The following TRPM2 variants were observed in gnomAD, a reference collection of about 807,000 sequenced individuals.
TRPM2 encodes the protein estrogen-responsive element-associated gene 1 protein.
In TRPM2, 161 loss-of-function variants were observed where a neutral mutation model predicts 174.0. The ratio of observed to expected loss-of-function variants is 0.93; its 90% CI spans 0.81 to 1.05. TRPM2 has a LOEUF of 1.05. Ranked by LOEUF, TRPM2 falls within the 50% of genes least tolerant of loss-of-function variation. The pLI, the probability that TRPM2 is intolerant of heterozygous loss-of-function variation, is 0.00. For missense variants in TRPM2, 2,057 were observed against 2,038.0 expected, an observed-to-expected ratio of 1.01 and a Z score of -0.18; for synonymous variants, 954 against 861.3, an observed-to-expected ratio of 1.11 and a Z score of -1.88.
chr21:44,353,083 G>A (rs1395971456), upstream of TRPM2, among the ~76,000 whole-genome samples: 1 of 152,240 alleles, frequency 6.6e-6, no homozygotes, highest in African/African-American at 2.4e-5. Flanking sequence ...TTGAACCAGG[G>A]AGACCGAGGT....
rs201994467 is a variant in TRPM2, at chr21:44,379,010, C to A, written c.1028C>A (p.Ala343Asp). The A allele has an allele frequency of 4.1e-5, 66 of 1,606,702 alleles. No individual in the cohort carries two copies. The East Asian group carries it at 6.7e-4, about 16-fold the overall frequency. ...GPGTLHTIDN[A>D]TTNGTPCVVV... is the part of the protein sequence containing the mutation. ...CCTGCCTTGCAGACCATCGACAACG[C>A]CACCACCAACGGCACCCCCTGTGTG... Residue 343 changes from alanine (A) to aspartate (D), a missense_variant, in exon 8 of 32, where the codon GCC becomes GAC. Coordinates refer to ENST00000397928, the MANE Select transcript of TRPM2 (RefSeq NM_003307.4).
At chr21:44,362,172 A>T (rs1350220907) in intron 2 of TRPM2, among the ~76,000 whole-genome samples, 1 of 152,074 alleles carries the variant, frequency 6.6e-6, no homozygotes, top group South Asian at 2.1e-4. Context: ...TCCCCTTCTT[A>T]ATCTATAATA....
chr21:44,381,518 GTGGATGGA>G, intron 8 of TRPM2, among the ~76,000 whole-genome samples: 2 of 144,218 alleles, frequency 1.4e-5, no homozygotes, highest in African/African-American at 2.6e-5. Context: ...GGTGGGCCAT[GTGGATGGA>G]TGGATGGATG....
At chr21:44,415,539 C>G (rs574020420) in intron 20 of TRPM2, 1 of 152,362 alleles carries the variant, frequency 6.6e-6, no homozygotes, top group African/African-American at 2.4e-5. Flanking sequence ...CCCTGCCGAA[C>G]CTTGGTTTTA....
intron 6 of TRPM2, among the ~76,000 whole-genome samples, chr21:44,377,185 G>A (rs897073476): frequency 5.3e-5 from 8 of 152,232 alleles, no homozygotes; most frequent in African/African-American, 1.9e-4. Flanking sequence ...TTTGCTGCCT[G>A]GGGAAAGGGG....
intron 30 of TRPM2, among the ~76,000 whole-genome samples, chr21:44,440,053 C>T (rs553424595): frequency 3.6e-4 from 54 of 148,158 alleles, no homozygotes; most frequent in African/African-American, 1.3e-3. Context: ...GCAGGCTACA[C>T]GGGCCGGGTG....
At chr21:44,411,621 G>A (rs759271467) in intron 19 of TRPM2, among the ~76,000 whole-genome samples, 1 of 152,058 alleles carries the variant, frequency 6.6e-6, no homozygotes, top group African/African-American at 2.4e-5. Flanking sequence ...GTACAATGTT[G>A]AACAGAAGGG....
At chr21:44,404,480 C>T (rs1374266118) in intron 16 of TRPM2, among the ~76,000 whole-genome samples, 2 of 152,184 alleles carry the variant, frequency 1.3e-5, no homozygotes, top group Non-Finnish European at 2.9e-5. Context: ...GCTGAGTGAG[C>T]AGGGGGCCGA....
At chr21:44,364,338 T>C (rs927625731) in intron 3 of TRPM2, 56 bp downstream of exon 3, 1 of 1,580,140 alleles carries the variant, frequency 6.3e-7, no homozygotes, top group Non-Finnish European at 8.6e-7. Flanking sequence ...GGCCCCACAG[T>C]GACACGCGGT....
chr21:44,374,212 T>C (rs895123237), intron 5 of TRPM2, among the ~76,000 whole-genome samples: 4 of 152,142 alleles, frequency 2.6e-5, no homozygotes, highest in African/African-American at 9.7e-5. Context: ...GGTTTCACCA[T>C]GTTGGCCAGG....
intron 27 of TRPM2, among the ~76,000 whole-genome samples, chr21:44,433,707 G>T (rs2051116334): frequency 6.6e-6 from 1 of 152,194 alleles, no homozygotes; most frequent in South Asian, 2.1e-4. Context: ...GAGGCTGCCT[G>T]GGCCCCACCG....
intron 16 of TRPM2, among the ~76,000 whole-genome samples, chr21:44,403,326 G>A (rs1301593524): frequency 1.3e-5 from 2 of 152,188 alleles, no homozygotes; most frequent in Admixed American, 1.3e-4. Context: ...TGCCAAGTAG[G>A]CCAAATGGGG....
At chr21:44,435,054 C>T (rs2051184704) in intron 27 of TRPM2, 77 bp from the exon 28 acceptor site, 6 of 1,459,724 alleles carry the variant, frequency 4.1e-6, no homozygotes, top group Non-Finnish European at 5.7e-6. Context: ...CCGCTGTCCC[C>T]TCTCAGTCCC....
upstream of TRPM2, among the ~76,000 whole-genome samples, chr21:44,352,296 G>A (rs2123000631): frequency 2.6e-5 from 4 of 152,358 alleles, no homozygotes; most frequent in East Asian, 7.7e-4. Context: ...AAGTTTACGG[G>A]TCTCGGAATG....
At chr21:44,431,165 C>G (rs2051007501) in intron 27 of TRPM2, among the ~76,000 whole-genome samples, 1 of 151,868 alleles carries the variant, frequency 6.6e-6, no homozygotes, top group African/African-American at 2.4e-5. Context: ...TCCTGGTTTT[C>G]TAATAAGGGT....
chr21:44,381,415 GTAGA>G (rs1211636935), intron 8 of TRPM2, among the ~76,000 whole-genome samples: 2 of 146,382 alleles, frequency 1.4e-5, no homozygotes, highest in Admixed American at 6.8e-5. Flanking sequence ...TGGGTGGGTG[GTAGA>G]TAGATGGATG....
At position 44,379,325 on chromosome 21, in the gene TRPM2, C is replaced by T. The variant is rs976920796; in HGVS notation, c.1215+128C>T. ...CACTGGGTCTGAGTGGGTGCCAGAG[C>T]GATTTGCAGAGGGCAGGGCCCAGGT... is the stretch of plus-strand genomic sequence containing the variant. On this transcript the variant is annotated intron_variant, in intron 8 of 31. Coordinates refer to ENST00000397928, the MANE Select transcript of TRPM2 (RefSeq NM_003307.4). 23 of 1,122,324 alleles carry T rather than the reference C, an allele frequency of 2.0e-5. No individual in the cohort carries two copies. In the Admixed American group the frequency reaches 2.5e-4, roughly 12 times the overall value. The allele number at this position is 1,122,324 out of a possible 1,614,324, so 69.5% of individuals were successfully genotyped here. A position where few individuals can be genotyped will look rare whatever the true frequency, so the allele number is the denominator to read the frequency against.
chr21:44,403,351 T>C (rs979473187), intron 16 of TRPM2, among the ~76,000 whole-genome samples: 3 of 152,166 alleles, frequency 2.0e-5, no homozygotes, highest in Admixed American at 6.5e-5. Context: ...CCACAGCCCC[T>C]GCCAGGTCCT....
At chr21:44,369,488 G>A (rs182135688) in intron 5 of TRPM2, 145 bp downstream of exon 5, 49 of 888,214 alleles carry the variant, frequency 5.5e-5, no homozygotes, top group African/African-American at 3.2e-4. Flanking sequence ...GGCGGAGTGT[G>A]CGGGGGCCGG....
Sources: allele counts gnomAD v4.1 joint callset (sites outside exome capture counted in the v4.1 genomes callset), GRCh38; gene constraint gnomAD v4.1.1; transcripts MANE v1.5; gene names NCBI Gene and HGNC (gene_info 2026-07-23, HGNC 2026-07-21).